SPATA31C1: variants seen among roughly 807,000 people sequenced by gnomAD.
SPATA31C1 encodes SPATA31 subfamily C member 1.
chr9:87,920,918 T>C (rs760274538), exon 5 of SPATA31C1: 20 of 1,613,072 alleles, frequency 1.2e-5, no homozygotes, highest in Non-Finnish European at 1.5e-5. Flanking sequence ...ATCTGGGGCC[T>C]GAGTCCCAAC....
chr9:87,921,254 T>A, exon 5 of SPATA31C1: 1 of 1,611,962 alleles, frequency 6.2e-7, no homozygotes, highest in Non-Finnish European at 8.5e-7. Context: ...CTGAGAACTT[T>A]CCAGTCAGTC....
At position 87,921,062 on chromosome 9, in the gene SPATA31C1, C is replaced by T. The variant is rs769131811; in HGVS notation, n.1452C>T. On this transcript the variant is annotated non_coding_transcript_exon_variant, in exon 5 of 5. Transcript: ENST00000420021. ...CGATGAAGAACACTGGAGTAGCTTG[C>T]CCTGCGTCGCAGAATAAAGTGCAAG... 5 of 1,611,288 alleles carry T rather than the reference C, an allele frequency of 3.1e-6. No homozygotes were observed. The African/African-American group carries it at 6.7e-5, about 22-fold the overall frequency.
exon 3 of SPATA31C1, chr9:87,919,299 A>T (rs376132289): frequency 1.3e-4 from 177 of 1,372,974 alleles, no homozygotes; most frequent in Non-Finnish European, 1.6e-4. Flanking sequence ...AGTGTCCAAC[A>T]GGGCGGAGGG....
exon 5 of SPATA31C1, chr9:87,920,691 G>A (rs546253951): frequency 1.4e-5 from 22 of 1,613,920 alleles, no homozygotes; most frequent in Non-Finnish European, 1.8e-5. Flanking sequence ...ACTGGACACC[G>A]TCCCTCAAAG....
intron 1 of SPATA31C1, among the ~76,000 whole-genome samples, chr9:87,916,756 G>A (rs1403933701): frequency 6.6e-4 from 66 of 100,506 alleles, no homozygotes; most frequent in Middle Eastern, 5.1e-3. Flanking sequence ...CCAGCACTTT[G>A]GGAGGCCAAG....
chr9:87,916,032 T>A (rs1828708767), intron 1 of SPATA31C1, among the ~76,000 whole-genome samples: 1 of 142,790 alleles, frequency 7.0e-6, no homozygotes, highest in Admixed American at 7.0e-5. Context: ...TATATTCAGG[T>A]TTCCCTCTGA....
chr9:87,915,645 T>C (rs918426283), intron 1 of SPATA31C1, among the ~76,000 whole-genome samples: 3 of 144,502 alleles, frequency 2.1e-5, no homozygotes, highest in Admixed American at 2.1e-4. Context: ...ATTGAGGTTA[T>C]TGTTTTGTCT....
chr9:87,923,144 C>T (rs1828924672), exon 5 of SPATA31C1: 2 of 1,603,350 alleles, frequency 1.2e-6, no homozygotes, highest in South Asian at 1.1e-5. Flanking sequence ...GCCATGCGCG[C>T]CATGCCTCGA....
chr9:87,919,113 A>T, intron 2 of SPATA31C1, 142 bp from the exon 2 acceptor site: 1 of 1,305,112 alleles, frequency 7.7e-7, no homozygotes, highest in South Asian at 1.3e-5. Context: ...TCATCCATTT[A>T]AACATGAGTG....
chr9:87,921,717 C>G (rs533402492), exon 5 of SPATA31C1: 24 of 1,612,066 alleles, frequency 1.5e-5, no homozygotes, highest in Non-Finnish European at 1.9e-5. Flanking sequence ...GAGTGTGCGT[C>G]GATCCTGGCT....
At chr9:87,920,401 C>A in exon 5 of SPATA31C1, 10 of 1,613,990 alleles carry the variant, frequency 6.2e-6, no homozygotes, top group Non-Finnish European at 8.5e-6. Context: ...TCCCCGTTAG[C>A]TTCCCCGGAT....
intron 1 of SPATA31C1, chr9:87,917,442 A>AG (rs1828756765): frequency 8.6e-6 from 1 of 116,046 alleles, no homozygotes; most frequent in Non-Finnish European, 2.0e-5. Flanking sequence ...ATAAAAAAAA[A>AG]GGAAAGTGAG....
exon 5 of SPATA31C1, chr9:87,921,182 T>A (rs772372943): frequency 2.5e-6 from 4 of 1,611,858 alleles, no homozygotes; most frequent in Admixed American, 1.7e-5. Flanking sequence ...TCCAAAAATC[T>A]CAGGACGTCT....
At chr9:87,922,632 C>T in exon 5 of SPATA31C1, 2 of 1,608,906 alleles carry the variant, frequency 1.2e-6, no homozygotes, top group Non-Finnish European at 1.7e-6. Flanking sequence ...GCCCCAGGGC[C>T]ATCTCCAGAG....
At chr9:87,923,170 G>C in exon 5 of SPATA31C1, 4 of 1,603,354 alleles carry the variant, frequency 2.5e-6, no homozygotes, top group Non-Finnish European at 3.4e-6. Context: ...AATCAGCAAA[G>C]ACAGCAGTTT....
At chr9:87,917,099 G>A (rs546803676) in intron 1 of SPATA31C1, among the ~76,000 whole-genome samples, 1 of 138,144 alleles carries the variant, frequency 7.2e-6, no homozygotes, top group East Asian at 2.8e-4. Flanking sequence ...TTGTATGTGG[G>A]TAGGTCCCTT....
At chr9:87,922,103 C>G in exon 5 of SPATA31C1, 3 of 1,613,968 alleles carry the variant, frequency 1.9e-6, no homozygotes, top group Admixed American at 1.7e-5. Flanking sequence ...CATCTGTTCA[C>G]ATGCCAGAGA....
In SPATA31C1 at chr9:87,922,250, C is replaced by T. The variant is rs555431231; in HGVS notation, n.2640C>T. On this transcript the variant is annotated non_coding_transcript_exon_variant, in exon 5 of 5. Transcript: ENST00000420021. ...GGTGGCCATCTAAGCCCCTCACATACAGCCTCAAAGGCAGCACCCAGCAGA... is the reference window on the plus strand; with the variant it reads ...GGTGGCCATCTAAGCCCCTCACATATAGCCTCAAAGGCAGCACCCAGCAGA... 305 of 1,613,196 alleles carry T rather than the reference C, an allele frequency of 1.9e-4. 2 individuals are homozygous for T. The highest frequency in any genetic ancestry group is 9.5e-4 in the African/African-American group (71 of 75,022).
exon 5 of SPATA31C1, chr9:87,921,039 A>T: frequency 6.2e-7 from 1 of 1,611,636 alleles, no homozygotes; most frequent in Non-Finnish European, 8.5e-7. Context: ...TCTATCCCCG[A>T]TGAAGAACAC....
Sources: gnomAD v4.1 joint callset for allele counts (sites outside exome capture counted in the v4.1 genomes callset) on GRCh38, gnomAD v4.1.1 for gene constraint, MANE v1.5 for transcripts, NCBI Gene and HGNC (gene_info 2026-07-23, HGNC 2026-07-21) for gene names.